SLIT1: variants seen among roughly 807,000 people sequenced by gnomAD.
SLIT1 encodes slit homolog 1 protein.
A neutral mutation model predicts 186.1 loss-of-function variants in SLIT1; 66 were observed. That is an observed-to-expected ratio of 0.35 (90% CI 0.29 to 0.44). The LOEUF is 0.44. SLIT1 is among the 20% of genes least tolerant of loss of function. SLIT1 has a pLI of 1.00. For missense variants in SLIT1, 1,638 were observed against 2,037.4 expected (o/e 0.80, Z 3.77); for synonymous variants, 761 against 833.8 (o/e 0.91, Z 1.50).
Position 97,022,525 on chromosome 10 carries a change from G to T in SLIT1, c.2583-1112C>A, listed in dbSNP as rs192061068. On this transcript the variant is annotated intron_variant, in intron 25 of 36. Transcript: ENST00000266058. The surrounding 1 kb of genome is among the most constrained non-coding windows in gnomAD (Gnocchi z 4.2). Reference sequence around the variant, plus strand: ...TGATGGGGGTGCAAAATAGTAGAGCGCCTGTGGAGGGGAATTGTGTGACAC... The same window carrying T: ...TGATGGGGGTGCAAAATAGTAGAGCTCCTGTGGAGGGGAATTGTGTGACAC... Among the ~76,000 whole-genome samples the T allele has an allele frequency of 1.4e-3, 210 of 152,280 alleles. No homozygotes were observed. The highest frequency in any genetic ancestry group is 6.8e-3 in the Middle Eastern group (2 of 294).
intron 25 of SLIT1, among the ~76,000 whole-genome samples, chr10:97,026,671 T>C (rs1163850179): frequency 6.6e-6 from 1 of 152,162 alleles, no homozygotes; most frequent in Non-Finnish European, 1.5e-5. Flanking sequence ...AGTATAGCAA[T>C]GAAGACAGAC....
In SLIT1 at chr10:97,048,997, T is replaced by C. The variant is rs781189923; in HGVS notation, c.1423A>G (p.Lys475Glu). The C allele has an allele frequency of 6.2e-7, 1 of 1,610,132 alleles. No homozygotes were observed. ...RCASPRRLAN[K>E]RIGQIKSKKF... Reference sequence around the variant, plus strand: ...TTGCTCTTGATCTGCCCGATGCGCTTGTTGGCGAGGCGCCGGGGACTGGCA... The same window carrying C: ...TTGCTCTTGATCTGCCCGATGCGCTCGTTGGCGAGGCGCCGGGGACTGGCA... The change falls in exon 14 of 37, where the codon AAG becomes GAG. Residue 475 changes from lysine (K) to glutamate (E), a missense_variant. Transcript: ENST00000266058.
chr10:97,003,000 A>C lies in SLIT1; in HGVS notation c.3866-8T>G, dbSNP rs1848325788. ...TGACATCCACGGGCATCCCTGGGGTAGGGGAGGGAGCAGAGCTGGGCTGAG... is the reference window on the plus strand; with the variant it reads ...TGACATCCACGGGCATCCCTGGGGTCGGGGAGGGAGCAGAGCTGGGCTGAG... On this transcript the variant is annotated splice_polypyrimidine_tract_variant and splice_region_variant and intron_variant, in intron 34 of 36. Transcript: ENST00000266058. 6.2e-7 allele frequency: 1 copy of C among 1,611,264 alleles called. No individual in the cohort carries two copies. Among genetic ancestry groups the C allele is most frequent in the African/African-American group, 1.3e-5 (1 of 74,910 alleles).
chr10:96,998,921 C>G lies in SLIT1; in HGVS notation c.*2191G>C, dbSNP rs1388378845. 1 of 152,314 alleles carries G rather than the reference C, an allele frequency of 6.6e-6. No individual in the cohort carries two copies. The highest frequency in any genetic ancestry group is 6.5e-5 in the Admixed American group (1 of 15,284). The allele number at this position is 152,314 out of a possible 1,614,324, so 9.4% of individuals were successfully genotyped here. ...TCCTGCAGAATGAAGAGGCCTCCTG[C>G]CAGCCAGTGCCCTTCAAGCCTGGGA... On this transcript the variant is annotated 3_prime_UTR_variant, in exon 37 of 37. Coordinates refer to ENST00000266058, the MANE Select transcript of SLIT1 (RefSeq NM_003061.3).
At chr10:97,087,724 C>T (rs1488407899) in intron 4 of SLIT1, among the ~76,000 whole-genome samples, 2 of 152,120 alleles carry the variant, frequency 1.3e-5, no homozygotes, top group African/African-American at 4.8e-5. Context: ...CTGATTCCAG[C>T]CTGGGGAGCC....
intron 4 of SLIT1, among the ~76,000 whole-genome samples, chr10:97,115,720 C>T (rs1849502833): frequency 6.6e-6 from 1 of 152,152 alleles, no homozygotes; most frequent in Admixed American, 6.5e-5. Context: ...ATCCTGGGTC[C>T]TTCTCTAGAA....
At chr10:97,091,979 G>C (rs1849237255) in intron 4 of SLIT1, among the ~76,000 whole-genome samples, 6 of 152,256 alleles carry the variant, frequency 3.9e-5, no homozygotes, top group Admixed American at 3.9e-4. Context: ...AACCTTGGCA[G>C]AAAGGAAGGT....
At chr10:97,014,530 G>T (rs781354052) in intron 28 of SLIT1, among the ~76,000 whole-genome samples, 1 of 152,154 alleles carries the variant, frequency 6.6e-6, no homozygotes, top group African/African-American at 2.4e-5. Flanking sequence ...TGACAAGGGA[G>T]AGCGGGAATG....
chr10:97,100,165 T>C (rs975188753), intron 4 of SLIT1, among the ~76,000 whole-genome samples: 6 of 152,096 alleles, frequency 3.9e-5, no homozygotes, highest in African/African-American at 1.4e-4. Context: ...ACAGAGACTT[T>C]GACTCAGAAA....
chr10:97,176,143 T>C (rs976427358), intron 1 of SLIT1, among the ~76,000 whole-genome samples: 8 of 152,252 alleles, frequency 5.3e-5, no homozygotes, highest in African/African-American at 1.7e-4. Flanking sequence ...AGCTTACCAC[T>C]TACCAGCCTG....
chr10:97,158,661 C>CAAAA (rs34201804), intron 3 of SLIT1, among the ~76,000 whole-genome samples: 21 of 122,266 alleles, frequency 1.7e-4, no homozygotes, highest in Admixed American at 5.0e-4. Context: ...AACTCTGTCT[C>CAAAA]AAAAAAAAAA....
chr10:97,079,282 G>C (rs1849080033), intron 4 of SLIT1, among the ~76,000 whole-genome samples: 1 of 152,162 alleles, frequency 6.6e-6, no homozygotes, highest in Non-Finnish European at 1.5e-5. Flanking sequence ...GGGGTGCAGG[G>C]ATTTGTGGCT....
chr10:97,033,476 G>A (rs374249149), intron 23 of SLIT1, among the ~76,000 whole-genome samples: 7 of 152,240 alleles, frequency 4.6e-5, no homozygotes, highest in South Asian at 4.1e-4. Flanking sequence ...GAGGGTCACC[G>A]CTCACAACAA....
rs1848508258 is a variant in SLIT1, at chr10:97,022,197, T to C, written c.2583-784A>G. On this transcript the variant is annotated intron_variant, in intron 25 of 36. Coordinates refer to ENST00000266058, the MANE Select transcript of SLIT1 (RefSeq NM_003061.3). This position sits in a 1 kb window ranked among gnomAD's most constrained non-coding sequence, Gnocchi z 4.2. ...AAAGATGTGGGCACCGAGCCTCCCA[T>C]GGAATAAGTAATTTCCCTGGGGTCA... 6.6e-6 allele frequency among the ~76,000 whole-genome samples: 1 copy of C among 152,216 alleles called. No individual in the cohort carries two copies. The highest frequency in any genetic ancestry group is 2.4e-5 in the African/African-American group (1 of 41,450).
intron 4 of SLIT1, among the ~76,000 whole-genome samples, chr10:97,131,462 T>C (rs1311236618): frequency 6.6e-6 from 1 of 152,200 alleles, no homozygotes; most frequent in East Asian, 1.9e-4. Context: ...CACAGGCCCA[T>C]GCCTCTGCCA....
rs974960160 is a variant in SLIT1, at chr10:97,043,886, G to A, written c.1854-373C>T. ...ACCTAATCCATCATGTCACTCTCCA[G>A]CTTAAAGTCCACTAACAGCCTCCAA... On this transcript the variant is annotated intron_variant, in intron 18 of 36. Coordinates refer to ENST00000266058, the MANE Select transcript of SLIT1 (RefSeq NM_003061.3). This position sits in a 1 kb window ranked among gnomAD's most constrained non-coding sequence, Gnocchi z 7.0. Among the ~76,000 whole-genome samples, 4 of 152,066 alleles carry A rather than the reference G, an allele frequency of 2.6e-5. No individual in the cohort carries two copies. Among genetic ancestry groups the A allele is most frequent in the Non-Finnish European group, 5.9e-5 (4 of 68,022 alleles).
chr10:97,119,363 G>A (rs980415703), intron 4 of SLIT1, among the ~76,000 whole-genome samples: 1 of 152,154 alleles, frequency 6.6e-6, no homozygotes, highest in Non-Finnish European at 1.5e-5. Context: ...AGTGGGTCTG[G>A]CCAGCCTGGC....
intron 1 of SLIT1, among the ~76,000 whole-genome samples, chr10:97,173,006 G>T (rs1850210603): frequency 6.6e-6 from 1 of 152,014 alleles, no homozygotes; most frequent in South Asian, 2.1e-4. Context: ...TCCCCAAATG[G>T]ACATCACCCC....
At chr10:97,034,143 G>T (rs1848616609) in intron 23 of SLIT1, among the ~76,000 whole-genome samples, 2 of 152,180 alleles carry the variant, frequency 1.3e-5, no homozygotes, top group Non-Finnish European at 2.9e-5. Context: ...GGGATTATAG[G>T]CGTGAGCCAC....
Sources: gnomAD v4.1 joint callset for allele counts (sites outside exome capture counted in the v4.1 genomes callset) on GRCh38, gnomAD v4.1.1 for gene constraint, Gnocchi (gnomAD v3.1) non-coding constraint, MANE v1.5 for transcripts, NCBI Gene and HGNC (gene_info 2026-07-23, HGNC 2026-07-21) for gene names.